Variants in PDHA1 observed in about 807,000 individuals in gnomAD.
The protein encoded by PDHA1 is pyruvate dehydrogenase E1 subunit alpha 1, also known as pyruvate dehydrogenase E1 component subunit alpha, somatic form, mitochondrial.
Under a neutral mutation model 33.0 loss-of-function variants are expected in PDHA1, and 1 was observed. The observed-to-expected ratio is 0.03, with a 90% CI of 0.01 to 0.14. PDHA1 has a LOEUF of 0.14. PDHA1 is among the 10% of genes least tolerant of loss of function. PDHA1 has a pLI of 1.00. For missense variants in PDHA1, 168 were observed against 325.1 expected, an observed-to-expected ratio of 0.52 and a Z score of 3.72; for synonymous variants, 123 against 119.2, an observed-to-expected ratio of 1.03 and a Z score of -0.21.
chrX:19,355,209 C>G, intron 6 of PDHA1, 140 bp from the exon 7 acceptor site: 1 of 718,764 alleles, frequency 1.4e-6, no homozygotes, highest in Non-Finnish European at 2.2e-6. Context: ...CTTTCCCTCA[C>G]CACCCAAAGC....
chrX:19,357,405 TTTTTGATTCAAAACA>T (rs1350712923), intron 8 of PDHA1: 31 of 398,131 alleles, frequency 7.8e-5, no homozygotes, highest in Non-Finnish European at 1.3e-4. Context: ...CTTCAAAGCC[TTTTTGATTCAAAACA>T]AGCTGTTGGC....
Position 19,360,812 on chromosome X carries a change from G to A in PDHA1, c.*1159G>A, listed in dbSNP as rs557102951. Reference sequence around the variant, plus strand: ...TTCTGTACTGGGAGACCGCACTCCAGAGTCTGCAGAGGAGACCACCCCTGG... The same window carrying A: ...TTCTGTACTGGGAGACCGCACTCCAAAGTCTGCAGAGGAGACCACCCCTGG... On this transcript the variant is annotated 3_prime_UTR_variant, in exon 11 of 11. Transcript: ENST00000422285. 1.7e-6 allele frequency: 2 copies of A among 1,207,455 alleles called. No homozygotes were observed. The highest frequency in any genetic ancestry group is 2.2e-5 in the Admixed American group (1 of 45,222).
chrX:19,357,241 C>T (rs1026217213), intron 8 of PDHA1: 2 of 219,305 alleles, frequency 9.1e-6, no homozygotes, highest in Non-Finnish European at 1.7e-5. Flanking sequence ...ACTACAGGCG[C>T]ACGCCACCAT....
At chrX:19,349,432 A>C (rs888366101) in intron 2 of PDHA1, 61 bp downstream of exon 2, 13 of 677,880 alleles carry the variant, frequency 1.9e-5, no homozygotes, top group Non-Finnish European at 3.1e-5. Context: ...ATACAGTTTT[A>C]CCTTTAGAAT....
At position 19,353,119 on chromosome X, in the gene PDHA1, G is replaced by C; in HGVS notation, c.456G>C (p.Ser152=). The C allele has an allele frequency of 8.3e-7, 1 of 1,210,381 alleles. No individual in the cohort carries two copies. The highest frequency in any genetic ancestry group is 2.3e-4 in the Middle Eastern group (1 of 4,349). ...KGGCAKGKGG[S]MHMYAKNFYG... ...GTTGTGCTAAAGGGAAAGGAGGATC[G>C]ATGCACATGTATGCCAAGAACTTCT... Residue 152 remains serine, a synonymous_variant, in exon 5 of 11, where the codon TCG becomes TCC. Transcript: ENST00000422285.
intron 4 of PDHA1, 80 bp from the exon 5 acceptor site, chrX:19,353,002 G>C: frequency 2.6e-6 from 2 of 764,056 alleles, no homozygotes; most frequent in Non-Finnish European, 4.1e-6. Context: ...TTGAGCCTCA[G>C]AGTACATATT....
chrX:19,354,441 C>T (rs1460794398), intron 5 of PDHA1, 50 bp from the exon 6 acceptor site: 2 of 732,959 alleles, frequency 2.7e-6, no homozygotes, highest in South Asian at 4.2e-5. Context: ...TAATTAGTAT[C>T]TCCCCTCATG....
In PDHA1 at chrX:19,360,159, A is replaced by ACTT. The variant is rs1279806575; in HGVS notation, c.*507_*509dup. ...TTGTAATCATTTCAAAGGCCACATAACTTAGTTTTCTCTACTTACACATTC... is the reference window on the plus strand; with the variant it reads ...TTGTAATCATTTCAAAGGCCACATAACTTCTTAGTTTTCTCTACTTACACATTC... On this transcript the variant is annotated 3_prime_UTR_variant, in exon 11 of 11. Transcript: ENST00000422285. The ACTT allele has an allele frequency of 6.6e-6, 1 of 150,429 alleles. No individual in the cohort carries two copies. Among genetic ancestry groups the ACTT allele is most frequent in the Non-Finnish European group, 1.3e-5 (1 of 77,531 alleles). 12.4% of individuals were successfully genotyped at this position (150,429 alleles called of 1,213,427 possible).
intron 8 of PDHA1, 140 bp from the exon 9 acceptor site, chrX:19,357,512 G>GA: frequency 1.8e-6 from 1 of 566,632 alleles, no homozygotes. Context: ...CAACCAATAA[G>GA]AAATTCGTGA....
intron 4 of PDHA1, among the ~76,000 whole-genome samples, chrX:19,351,806 T>TC (rs2063164664): frequency 1.0e-5 from 1 of 97,837 alleles, no homozygotes; most frequent in African/African-American, 4.0e-5. Context: ...TTTTTTTTTT[T>TC]TTTTTTTTTT....
rs1227552333 is a variant in PDHA1 at position 19,360,574 on chromosome X, A to T, written c.*921A>T. The T allele has an allele frequency of 2.4e-6, 1 of 410,618 alleles. No individual in the cohort carries two copies. The highest frequency in any genetic ancestry group is 4.2e-6 in the Non-Finnish European group (1 of 237,556). The allele number at this position is 410,618 out of a possible 1,213,427, so 33.8% of individuals were successfully genotyped here. ...AATACACACAGTTCTATGTTTATAAATAACAGGTTTCAAAAGAAACTCAGG... is the reference window on the plus strand; with the variant it reads ...AATACACACAGTTCTATGTTTATAATTAACAGGTTTCAAAAGAAACTCAGG... On this transcript the variant is annotated 3_prime_UTR_variant, in exon 11 of 11. Coordinates refer to ENST00000422285, the MANE Select transcript of PDHA1 (RefSeq NM_000284.4).
chrX:19,358,735 A>G (rs765415028), intron 9 of PDHA1, among the ~76,000 whole-genome samples, 181 bp from the exon 10 acceptor site: 1 of 112,064 alleles, frequency 8.9e-6, no homozygotes, highest in Admixed American at 9.5e-5. Context: ...TTTTGAAAGT[A>G]TAACAACAAC....
At chrX:19,347,752 A>G (rs753452882) in intron 1 of PDHA1, among the ~76,000 whole-genome samples, 1 of 112,916 alleles carries the variant, frequency 8.9e-6, no homozygotes, top group South Asian at 3.6e-4. Flanking sequence ...ATTGCTAAAT[A>G]TAACCATTGA....
At chrX:19,356,373 T>C (rs1450607959) in intron 8 of PDHA1, among the ~76,000 whole-genome samples, 1 of 111,757 alleles carries the variant, frequency 8.9e-6, no homozygotes, top group Non-Finnish European at 1.9e-5. Flanking sequence ...AGTTGGCACT[T>C]CAGCGCCATA....
chrX:19,352,208 C>T (rs773739846), intron 4 of PDHA1, among the ~76,000 whole-genome samples: 195 of 106,246 alleles, frequency 1.8e-3, no homozygotes, highest in African/African-American at 6.3e-3. Context: ...CCACTGTGCC[C>T]GGTCCTCCTC....
intron 5 of PDHA1, among the ~76,000 whole-genome samples, chrX:19,354,179 C>T (rs931840390): frequency 6.2e-5 from 7 of 112,433 alleles, no homozygotes; most frequent in African/African-American, 1.6e-4. Flanking sequence ...CTGTGGACCT[C>T]GTGATCTGCC....
In PDHA1 at chrX:19,361,396, G is replaced by A; in HGVS notation, c.*1743G>A. The stretch of plus-strand genomic sequence containing the variant: ...GATCTCATTAAGAATATCCGAAAGT[G>A]TATAACCCTCTTCAACAATCTGAAA... On this transcript the variant is annotated 3_prime_UTR_variant, in exon 11 of 11. Coordinates refer to ENST00000422285, the MANE Select transcript of PDHA1 (RefSeq NM_000284.4). 8.3e-7 allele frequency: 1 copy of A among 1,208,313 alleles called. No individual in the cohort carries two copies. Among genetic ancestry groups the A allele is most frequent in the Non-Finnish European group, 1.1e-6 (1 of 892,244 alleles).
intron 8 of PDHA1, among the ~76,000 whole-genome samples, chrX:19,357,123 C>T (rs1478601793): frequency 6.2e-5 from 7 of 112,504 alleles, no homozygotes. Flanking sequence ...GGCTCTAGAA[C>T]ATGCTCAGAG....
intron 1 of PDHA1, among the ~76,000 whole-genome samples, chrX:19,344,980 C>T (rs1350897330): frequency 9.0e-6 from 1 of 111,494 alleles, no homozygotes; most frequent in Non-Finnish European, 1.9e-5. Context: ...GGACGCTGCC[C>T]TCCCCTCCCC....
Sources: allele counts gnomAD v4.1 joint callset (sites outside exome capture counted in the v4.1 genomes callset), GRCh38; gene constraint gnomAD v4.1.1; transcripts MANE v1.5; gene names NCBI Gene and HGNC (gene_info 2026-07-23, HGNC 2026-07-21).